SMC5: variants seen among roughly 807,000 people sequenced by gnomAD.
The protein encoded by SMC5 is structural maintenance of chromosomes 5.
Under a neutral mutation model 148.3 loss-of-function variants are expected in SMC5, and 88 were observed. The ratio of observed to expected loss-of-function variants is 0.59; its 90% CI spans 0.50 to 0.71. SMC5 has a LOEUF of 0.71. Ranked by LOEUF, SMC5 falls within the 30% of genes least tolerant of loss-of-function variation. SMC5 has a pLI of 0.00. For synonymous variants in SMC5, 421 were observed against 432.8 expected (o/e 0.97, Z 0.34); for missense variants, 1,142 against 1,298.9 (o/e 0.88, Z 1.86).
chr9:70,286,177 CTCT>C lies in SMC5; in HGVS notation c.982-22_982-20del. The C allele has an allele frequency of 7.0e-7, 1 of 1,426,930 alleles. No homozygotes were observed. The highest frequency in any genetic ancestry group is 9.8e-7 in the Non-Finnish European group (1 of 1,017,328). 88.4% of individuals were successfully genotyped at this position (1,426,930 alleles called of 1,614,324 possible). On this transcript the variant is annotated intron_variant, in intron 7 of 24. Coordinates refer to ENST00000361138, the MANE Select transcript of SMC5 (RefSeq NM_015110.4). ...TGAGTTTTTAACTAGCTGTCCCCCCCTCTCCCCGGTTTAATTTTACAGGCAACA... is the reference window on the plus strand; with the variant it reads ...TGAGTTTTTAACTAGCTGTCCCCCCCCCCCGGTTTAATTTTACAGGCAACA...
intron 22 of SMC5, 80 bp from the exon 23 acceptor site, chr9:70,350,034 T>C: frequency 9.8e-7 from 1 of 1,022,222 alleles, no homozygotes; most frequent in Non-Finnish European, 1.4e-6. Flanking sequence ...TCTTACTCAG[T>C]TAATTCAATC....
chr9:70,299,303 A>C (rs926046951), intron 9 of SMC5, among the ~76,000 whole-genome samples: 2 of 151,878 alleles, frequency 1.3e-5, no homozygotes, highest in African/African-American at 4.8e-5. Flanking sequence ...ATTTCACTTC[A>C]TTGATAGCTT....
intron 22 of SMC5, among the ~76,000 whole-genome samples, chr9:70,348,864 G>GCAGGAGGATCACTTGAATT (rs1316771128): frequency 1.3e-5 from 2 of 152,156 alleles, no homozygotes; most frequent in African/African-American, 4.8e-5. Context: ...GGAGGCCAAG[G>GCAGGAGGATCACTTGAATT]CAGGAGGATC....
Position 70,267,950 on chromosome 9 carries a change from T to C in SMC5, c.355T>C (p.Ser119Pro), listed in dbSNP as rs368982485. 1 of 1,613,342 alleles carries C rather than the reference T, an allele frequency of 6.2e-7. No homozygotes were observed. The highest frequency in any genetic ancestry group is 8.5e-7 in the Non-Finnish European group (1 of 1,179,776). ...TGGGTTTTTTGTGAAGAGAGGATGT[T>C]CTAGAGGCATGGTTGAAATTGAATT... is the stretch of plus-strand genomic sequence containing the variant. ...KVGFFVKRGC[S>P]RGMVEIELFR... Residue 119 changes from serine to proline, a missense_variant, in exon 3 of 25, where the codon TCT becomes CCT. Ser to Pro is a moderately conservative substitution (Grantham distance 74, BLOSUM62 -1). This residue lies in a region of SMC5 where 297 missense variants were observed against 302.6 expected (regional missense o/e 0.98). Coordinates refer to ENST00000361138, the MANE Select transcript of SMC5 (RefSeq NM_015110.4).
intron 17 of SMC5, among the ~76,000 whole-genome samples, chr9:70,327,785 C>T (rs1418725205): frequency 6.6e-6 from 1 of 152,154 alleles, no homozygotes; most frequent in Non-Finnish European, 1.5e-5. Flanking sequence ...AAAGGACACA[C>T]CACCACTGTG....
intron 15 of SMC5, among the ~76,000 whole-genome samples, chr9:70,321,328 T>C (rs2035939648): frequency 6.6e-6 from 1 of 152,100 alleles, no homozygotes. Flanking sequence ...TATGTCTGCT[T>C]GGCCTTAATG....
At chr9:70,341,781 A>G (rs2309612) in intron 17 of SMC5, among the ~76,000 whole-genome samples, 98,512 of 151,682 alleles carry the variant, frequency 0.65, 32,494 homozygotes, top group Admixed American at 0.71. Flanking sequence ...ACACTTTTAC[A>G]CTGTTGGTGG....
intron 8 of SMC5, among the ~76,000 whole-genome samples, chr9:70,290,412 A>G (rs2035026758): frequency 6.6e-6 from 1 of 152,204 alleles, no homozygotes; most frequent in Non-Finnish European, 1.5e-5. Context: ...CATTCCTGTC[A>G]CTCAGAAAAT....
In SMC5 at chr9:70,323,607, G is replaced by T; in HGVS notation, c.2274+1G>T. The T allele has an allele frequency of 6.2e-7, 1 of 1,608,372 alleles. No individual in the cohort carries two copies. The highest frequency in any genetic ancestry group is 8.5e-7 in the Non-Finnish European group (1 of 1,177,824). ...TACCGAATTAACAAACCTAATAAAG[G>T]TAAGGTATTGTTTTAATTTTAGTCA... On this transcript the variant is annotated splice_donor_variant, in intron 16 of 24. Coordinates refer to ENST00000361138, the MANE Select transcript of SMC5 (RefSeq NM_015110.4). LOFTEE classifies it high-confidence loss of function.
At chr9:70,305,808 A>G (rs66524845) in intron 11 of SMC5, among the ~76,000 whole-genome samples, 15,647 of 151,182 alleles carry the variant, frequency 0.1, 1,046 homozygotes, top group African/African-American at 0.2. Flanking sequence ...GAGAAAGGCC[A>G]CTAAGAATCT....
intron 8 of SMC5, among the ~76,000 whole-genome samples, chr9:70,294,496 C>G (rs996135507): frequency 6.6e-6 from 1 of 152,030 alleles, no homozygotes; most frequent in Non-Finnish European, 1.5e-5. Flanking sequence ...GTGGTTATAG[C>G]GCTGCATTGT....
intron 6 of SMC5, among the ~76,000 whole-genome samples, chr9:70,281,799 C>G (rs537777515): frequency 7.2e-5 from 11 of 152,110 alleles, no homozygotes; most frequent in African/African-American, 2.6e-4. Context: ...GCTTCACTCA[C>G]TTTGTCTTTT....
intron 17 of SMC5, among the ~76,000 whole-genome samples, chr9:70,332,101 C>T (rs558192499): frequency 4.6e-4 from 70 of 152,150 alleles, no homozygotes; most frequent in Middle Eastern, 6.8e-3. Context: ...AAAGGTCACT[C>T]GAGAAGATAA....
chr9:70,280,949 G>A (rs756949676), intron 6 of SMC5, 50 bp downstream of exon 6: 4 of 1,596,786 alleles, frequency 2.5e-6, no homozygotes. Flanking sequence ...AAGTAGCAGA[G>A]TAATTATGAT....
chr9:70,301,467 G>A (rs1301862899), intron 10 of SMC5, among the ~76,000 whole-genome samples: 1 of 152,096 alleles, frequency 6.6e-6, no homozygotes, highest in African/African-American at 2.4e-5. Context: ...CTTCCACGCA[G>A]TTTACTCACC....
At chr9:70,264,539 A>G in intron 2 of SMC5, 94 bp downstream of exon 2, 2 of 1,226,836 alleles carry the variant, frequency 1.6e-6, no homozygotes, top group Admixed American at 2.3e-5. Flanking sequence ...GGGTATAGCA[A>G]ACTTAATAGT....
At chr9:70,266,488 T>C (rs1246013178) in intron 2 of SMC5, among the ~76,000 whole-genome samples, 2 of 152,208 alleles carry the variant, frequency 1.3e-5, no homozygotes, top group Non-Finnish European at 2.9e-5. Context: ...TAATCGTCTG[T>C]TGGATTGTAC....
intron 9 of SMC5, 85 bp downstream of exon 9, chr9:70,298,306 T>C: frequency 7.1e-7 from 1 of 1,417,690 alleles, no homozygotes. Context: ...CTATAATTAT[T>C]TCTATAAAAT....
At chr9:70,342,002 A>G (rs2036539376) in intron 17 of SMC5, among the ~76,000 whole-genome samples, 2 of 149,542 alleles carry the variant, frequency 1.3e-5, no homozygotes, top group Admixed American at 6.7e-5. Context: ...ATGTCCAACA[A>G]TGATAGACTG....
Sources: allele counts gnomAD v4.1 joint callset (sites outside exome capture counted in the v4.1 genomes callset), GRCh38; gene constraint gnomAD v4.1.1; regional missense constraint gnomAD v4.1.1; transcripts MANE v1.5; gene names NCBI Gene and HGNC (gene_info 2026-07-23, HGNC 2026-07-21).